The following NIBAN1 variants were observed in gnomAD, a reference collection of about 807,000 sequenced individuals.
NIBAN1 encodes protein Niban 1.
A neutral mutation model predicts 75.1 loss-of-function variants in NIBAN1; 81 were observed. The ratio of observed to expected loss-of-function variants is 1.08; its 90% CI spans 0.90 to 1.30. NIBAN1 has a LOEUF of 1.30. NIBAN1 is among the 50% of genes most tolerant of loss of function. NIBAN1 has a pLI of 0.00. For missense variants in NIBAN1, 1,133 were observed against 1,128.1 expected (o/e 1.00, Z -0.06); for synonymous variants, 436 against 424.8 (o/e 1.03, Z -0.32).
At chr1:184,941,087 A>G (rs1285294570) in intron 1 of NIBAN1, among the ~76,000 whole-genome samples, 1 of 152,224 alleles carries the variant, frequency 6.6e-6, no homozygotes, top group Non-Finnish European at 1.5e-5. Context: ...ACAGTACCCA[A>G]AGCACTTACA....
At chr1:184,796,197 AC>A in intron 13 of NIBAN1, 100 bp from the exon 14 acceptor site, 1 of 1,296,016 alleles carries the variant, frequency 7.7e-7, no homozygotes. Flanking sequence ...CCATTTCAAG[AC>A]CCAGCTTACA....
chr1:184,817,116 C>T (rs975655415), intron 9 of NIBAN1, among the ~76,000 whole-genome samples: 1 of 152,188 alleles, frequency 6.6e-6, no homozygotes. Context: ...TGAGTGAGAA[C>T]ATGCAGTGTT....
At chr1:184,912,674 A>T (rs1156295181) in intron 1 of NIBAN1, among the ~76,000 whole-genome samples, 1 of 152,200 alleles carries the variant, frequency 6.6e-6, no homozygotes. Flanking sequence ...ACTGACATGT[A>T]GGAATTGTTT....
chr1:184,899,342 A>G, intron 1 of NIBAN1, 33 bp from the exon 2 acceptor site: 2 of 1,609,794 alleles, frequency 1.2e-6, no homozygotes, highest in Non-Finnish European at 8.5e-7. Context: ...ATTCTTAAGT[A>G]TAGCACAGAA....
At chr1:184,839,148 C>A (rs752539563) in intron 5 of NIBAN1, among the ~76,000 whole-genome samples, 1 of 152,132 alleles carries the variant, frequency 6.6e-6, no homozygotes, top group African/African-American at 2.4e-5. Context: ...TCCCATCAGG[C>A]AGGAATTAAT....
chr1:184,940,313 C>T lies in NIBAN1; in HGVS notation c.55+33989G>A, dbSNP rs138593739. ...TACAATCTCCACTTCCACTGCAAAA[C>T]ATCTAGTTTTAACAAATCAGTGATT... On this transcript the variant is annotated intron_variant, in intron 1 of 13. Coordinates refer to ENST00000367511, the MANE Select transcript of NIBAN1 (RefSeq NM_052966.4). 4.6e-3 allele frequency among the ~76,000 whole-genome samples: 694 copies of T among 152,300 alleles called. 19 individuals are homozygous for T. Among genetic ancestry groups the T allele is most frequent in the Admixed American group, 0.04 (611 of 15,296 alleles).
rs1265872356 is a variant in NIBAN1, at chr1:184,823,317, C to T, written c.835G>A (p.Ala279Thr). 6.2e-7 allele frequency: 1 copy of T among 1,614,040 alleles called. No homozygotes were observed. The highest frequency in any genetic ancestry group is 8.5e-7 in the Non-Finnish European group (1 of 1,179,986). The change falls in exon 8 of 14, where the codon GCC (alanine) becomes ACC (threonine). Residue 279 changes from alanine (A) to threonine (T), a missense_variant. Physicochemically the swap from Ala to Thr is moderately conservative, Grantham distance 58 (BLOSUM62 0). Transcript: ENST00000367511. Reference sequence around the variant, plus strand: ...ACTTGATGCTGAACCAGGGTGTAGGCCTCCTCGAGGAGCTGCAACAAGGAA... The same window carrying T: ...ACTTGATGCTGAACCAGGGTGTAGGTCTCCTCGAGGAGCTGCAACAAGGAA... ...KRTWLGLLEE[A>T]YTLVQHQVSE...
At chr1:184,919,105 A>C (rs1235909457) in intron 1 of NIBAN1, among the ~76,000 whole-genome samples, 1 of 152,252 alleles carries the variant, frequency 6.6e-6, no homozygotes, top group Non-Finnish European at 1.5e-5. Context: ...AAAGACTACA[A>C]ATAAATTTTA....
chr1:184,877,931 T>G (rs1020181002), intron 5 of NIBAN1, among the ~76,000 whole-genome samples: 1 of 152,074 alleles, frequency 6.6e-6, no homozygotes, highest in Non-Finnish European at 1.5e-5. Context: ...TTTGCTTAAA[T>G]GAACTTTAAC....
At chr1:184,928,602 T>A (rs935782790) in intron 1 of NIBAN1, among the ~76,000 whole-genome samples, 3 of 152,152 alleles carry the variant, frequency 2.0e-5, no homozygotes, top group Non-Finnish European at 4.4e-5. Flanking sequence ...TGCTTTCCAC[T>A]GTGACAGGGC....
intron 5 of NIBAN1, among the ~76,000 whole-genome samples, chr1:184,843,449 C>T (rs569140495): frequency 2.0e-5 from 3 of 151,320 alleles, no homozygotes; most frequent in East Asian, 1.9e-4. Context: ...CTTTCCCCCC[C>T]GCAAAAAAAA....
At chr1:184,813,460 T>C (rs1238005124) in intron 9 of NIBAN1, among the ~76,000 whole-genome samples, 1 of 152,204 alleles carries the variant, frequency 6.6e-6, no homozygotes, top group Non-Finnish European at 1.5e-5. Flanking sequence ...CTTTTGAAAA[T>C]TGTTCAATTT....
At chr1:184,892,445 G>A (rs1656692156) in intron 3 of NIBAN1, among the ~76,000 whole-genome samples, 1 of 152,150 alleles carries the variant, frequency 6.6e-6, no homozygotes. Context: ...ACGTTGTAAT[G>A]AGTCATACAA....
chr1:184,970,248 T>G (rs766096336), intron 1 of NIBAN1, among the ~76,000 whole-genome samples: 5 of 151,952 alleles, frequency 3.3e-5, no homozygotes, highest in Non-Finnish European at 7.4e-5. Context: ...ATAATGCATT[T>G]CCTAACTTTC....
chr1:184,937,618 A>T (rs1318447846), intron 1 of NIBAN1, among the ~76,000 whole-genome samples: 1 of 152,258 alleles, frequency 6.6e-6, no homozygotes, highest in Non-Finnish European at 1.5e-5. Context: ...GCAGAAATGG[A>T]GAATTGCAAA....
rs758736883 is a variant in NIBAN1, at chr1:184,795,452, C to A, written c.2312G>T (p.Arg771Met). 6.2e-7 allele frequency: 1 copy of A among 1,608,978 alleles called. No homozygotes were observed. The highest frequency in any genetic ancestry group is 8.5e-7 in the Non-Finnish European group (1 of 1,177,550). Residue 771 changes from arginine (R) to methionine (M), a missense_variant, in exon 14 of 14, where the codon AGG becomes ATG. Physicochemically the swap from Arg to Met is moderately conservative, Grantham distance 91. Coordinates refer to ENST00000367511, the MANE Select transcript of NIBAN1 (RefSeq NM_052966.4). The part of the protein sequence containing the change: ...DNCEESEVSE[R>M]EAQPPCPEAH... ...CTCGGGACAGGGAGGTTGGGCCTCC[C>A]TCTCGCTGACTTCACTTTCTTCACA...
intron 5 of NIBAN1, among the ~76,000 whole-genome samples, chr1:184,856,807 T>C (rs1158863191): frequency 6.6e-6 from 1 of 152,184 alleles, no homozygotes; most frequent in Non-Finnish European, 1.5e-5. Context: ...TGGTAAGTGT[T>C]TGGCAAAAGA....
intron 1 of NIBAN1, among the ~76,000 whole-genome samples, chr1:184,916,912 A>ACT (rs1360130752): frequency 6.6e-6 from 1 of 151,966 alleles, no homozygotes; most frequent in Admixed American, 6.6e-5. Context: ...TTCCTTCACT[A>ACT]CTTATCCTTG....
chr1:184,883,107 C>T (rs975031871), intron 5 of NIBAN1, among the ~76,000 whole-genome samples: 2 of 152,262 alleles, frequency 1.3e-5, no homozygotes, highest in Admixed American at 6.5e-5. Flanking sequence ...GTGGGACTGA[C>T]ACTCTCAGGG....
Sources: gnomAD v4.1 joint callset for allele counts (sites outside exome capture counted in the v4.1 genomes callset) on GRCh38, gnomAD v4.1.1 for gene constraint, MANE v1.5 for transcripts, NCBI Gene and HGNC (gene_info 2026-07-23, HGNC 2026-07-21) for gene names.